Variants in SLC12A3 observed in about 807,000 individuals in gnomAD.
SLC12A3 encodes Na-Cl cotransporter.
A neutral mutation model predicts 121.0 loss-of-function variants in SLC12A3; 104 were observed. The ratio of observed to expected loss-of-function variants is 0.86; its 90% CI spans 0.73 to 1.01. The LOEUF is 1.01. Ranked by LOEUF, SLC12A3 falls within the 50% of genes least tolerant of loss-of-function variation. The probability of loss-of-function intolerance (pLI) is 0.00; values close to 1 mark genes in which losing one functional copy is unlikely to be tolerated. For synonymous variants in SLC12A3, 536 were observed against 533.4 expected, an observed-to-expected ratio of 1.00 and a Z score of -0.07; for missense variants, 1,328 against 1,356.3, an observed-to-expected ratio of 0.98 and a Z score of 0.33.
At chr16:56,874,781 G>C (rs1399530456) in intron 8 of SLC12A3, among the ~76,000 whole-genome samples, 1 of 152,162 alleles carries the variant, frequency 6.6e-6, no homozygotes, top group Non-Finnish European at 1.5e-5. Context: ...CTCCAGCCTG[G>C]GTGACAGAGC....
At chr16:56,875,437 A>T (rs2055153457) in intron 8 of SLC12A3, among the ~76,000 whole-genome samples, 1 of 152,070 alleles carries the variant, frequency 6.6e-6, no homozygotes, top group South Asian at 2.1e-4. Flanking sequence ...TATCATTGTC[A>T]TTTTTACCAT....
At chr16:56,871,588 G>A (rs1293970814) in intron 6 of SLC12A3, among the ~76,000 whole-genome samples, 6 of 152,142 alleles carry the variant, frequency 3.9e-5, no homozygotes, top group African/African-American at 1.4e-4. Flanking sequence ...GAATTCCCTG[G>A]ACAGTTCTCT....
Position 56,867,189 on chromosome 16 carries a change from G to A in SLC12A3, c.402G>A (p.Val134=). 1 of 1,613,026 alleles carries A rather than the reference G, an allele frequency of 6.2e-7. No homozygotes were observed. ...GCGAGAAGAACCCCGAGGAGCCAGT[G>A]CGCTTCGGCTGGGTCAAGGGGGTGA... is the stretch of plus-strand genomic sequence containing the variant. The part of the protein sequence containing the change: ...TSSEKNPEEP[V]RFGWVKGVMI... Residue 134 remains valine (V), a synonymous_variant, in exon 2 of 26, where the codon GTG becomes GTA. Transcript: ENST00000563236.
intron 4 of SLC12A3, 38 bp from the exon 5 acceptor site, chr16:56,870,056 GAC>G: frequency 1.2e-6 from 2 of 1,608,628 alleles, no homozygotes; most frequent in Non-Finnish European, 1.7e-6. Flanking sequence ...CCAGCCAACC[GAC>G]TCATCTGGTT....
In SLC12A3 at chr16:56,904,564, C is replaced by A. The variant is rs1176440788; in HGVS notation, c.2924+102C>A. On this transcript the variant is annotated intron_variant, in intron 25 of 25. Transcript: ENST00000563236. The stretch of plus-strand genomic sequence containing the variant: ...GGGCACCACGGAGGGCCCAAGCCTT[C>A]CCCTAGGAAGCAGAAGGGCCAAAGT... The A allele has an allele frequency of 3.5e-6, 4 of 1,143,320 alleles. No homozygotes were observed. The African/African-American group carries it at 4.6e-5, about 13-fold the overall frequency. 70.8% of individuals were successfully genotyped at this position (1,143,320 alleles called of 1,614,324 possible).
intron 24 of SLC12A3, 127 bp downstream of exon 24, chr16:56,902,635 G>A (rs1378594618): frequency 8.4e-7 from 1 of 1,196,638 alleles, no homozygotes; most frequent in African/African-American, 1.5e-5. Context: ...CGGCCCCTGA[G>A]GTATCCTCAA....
chr16:56,902,208 A>G (rs1250971197), intron 23 of SLC12A3, 165 bp from the exon 24 acceptor site: 23 of 829,184 alleles, frequency 2.8e-5, no homozygotes, highest in Middle Eastern at 3.6e-4. Flanking sequence ...CCCAGCCAGC[A>G]GAGCTGAATT....
intron 13 of SLC12A3, among the ~76,000 whole-genome samples, chr16:56,883,279 CTT>C (rs71152216): frequency 5.9e-4 from 70 of 119,512 alleles, no homozygotes; most frequent in East Asian, 1.5e-3. Flanking sequence ...CTTTTTCTTT[CTT>C]TTTTTTTTTT....
intron 25 of SLC12A3, among the ~76,000 whole-genome samples, chr16:56,912,941 T>C (rs2055705413): frequency 6.6e-6 from 1 of 151,966 alleles, no homozygotes; most frequent in Non-Finnish European, 1.5e-5. Context: ...AGGAGTGAGC[T>C]TGGCATTTTT....
intron 25 of SLC12A3, among the ~76,000 whole-genome samples, chr16:56,910,829 G>A (rs2055675413): frequency 6.6e-6 from 1 of 152,220 alleles, no homozygotes; most frequent in African/African-American, 2.4e-5. Flanking sequence ...TTTCTTTGTG[G>A]CTAAGAGATG....
At chr16:56,899,712 C>A in intron 23 of SLC12A3, 96 bp downstream of exon 23, 3 of 880,158 alleles carry the variant, frequency 3.4e-6, no homozygotes, top group Admixed American at 3.5e-5. Context: ...AGACTAGGAG[C>A]AAGGGTCTCT....
intron 7 of SLC12A3, 36 bp downstream of exon 7, chr16:56,872,498 G>A (rs1374103950): frequency 1.3e-6 from 2 of 1,595,644 alleles, no homozygotes; most frequent in Non-Finnish European, 8.6e-7. Flanking sequence ...ATGGCTCTGG[G>A]GACAGGGACT....
chr16:56,912,050 C>A (rs938886735), intron 25 of SLC12A3, among the ~76,000 whole-genome samples: 1 of 152,266 alleles, frequency 6.6e-6, no homozygotes, highest in African/African-American at 2.4e-5. Flanking sequence ...CTGGCTCTGA[C>A]CTCAGCGCTC....
intron 24 of SLC12A3, 27 bp downstream of exon 24, chr16:56,902,535 C>T (rs746437350): frequency 6.3e-6 from 10 of 1,585,256 alleles, no homozygotes; most frequent in East Asian, 2.3e-5. Flanking sequence ...GGGTGGGAAA[C>T]GCGACACATC....
chr16:56,912,755 T>A (rs759638619), intron 25 of SLC12A3, among the ~76,000 whole-genome samples: 3 of 152,124 alleles, frequency 2.0e-5, no homozygotes, highest in Non-Finnish European at 4.4e-5. Context: ...TGTGGAGGGC[T>A]CTGAAGGCAG....
At chr16:56,892,167 G>A in intron 20 of SLC12A3, 34 bp downstream of exon 20, 4 of 1,610,422 alleles carry the variant, frequency 2.5e-6, no homozygotes, top group East Asian at 2.2e-5. Flanking sequence ...GCTTGTCAGT[G>A]TTCCCACTCA....
intron 22 of SLC12A3, among the ~76,000 whole-genome samples, chr16:56,895,129 C>T (rs937645430): frequency 1.3e-5 from 2 of 150,736 alleles, no homozygotes; most frequent in South Asian, 4.2e-4. Flanking sequence ...TCCAGGAGTT[C>T]GAGACCAACC....
chr16:56,874,652 A>C (rs183131033), intron 8 of SLC12A3, among the ~76,000 whole-genome samples: 1 of 152,278 alleles, frequency 6.6e-6, no homozygotes, highest in East Asian at 1.9e-4. Context: ...TAAAAACATA[A>C]AAATTAGCCG....
intron 8 of SLC12A3, 145 bp from the exon 9 acceptor site, chr16:56,877,932 C>A: frequency 1.6e-6 from 1 of 613,908 alleles, no homozygotes; most frequent in Non-Finnish European, 2.9e-6. Flanking sequence ...CTCTGAGGGG[C>A]CAAGGTCAGA....
Sources: gnomAD v4.1 joint callset for allele counts (sites outside exome capture counted in the v4.1 genomes callset) on GRCh38, gnomAD v4.1.1 for gene constraint, MANE v1.5 for transcripts, NCBI Gene and HGNC (gene_info 2026-07-23, HGNC 2026-07-21) for gene names.